Variants in ARHGEF28 observed in about 807,000 individuals in gnomAD.
ARHGEF28 encodes Rho guanine nucleotide exchange factor 28.
In ARHGEF28, 152 loss-of-function variants were observed where a neutral mutation model predicts 206.6. The ratio of observed to expected loss-of-function variants is 0.74; its 90% confidence interval spans 0.64 to 0.84. ARHGEF28 has a LOEUF of 0.84. Ranked by LOEUF, ARHGEF28 falls within the 40% of genes least tolerant of loss-of-function variation. The pLI is 0.00. For missense variants in ARHGEF28, 2,028 were observed against 2,073.2 expected, an observed-to-expected ratio of 0.98 and a Z score of 0.42; for synonymous variants, 763 against 776.4, an observed-to-expected ratio of 0.98 and a Z score of 0.29.
chr5:73,905,837 C>A (rs536097595), intron 33 of ARHGEF28, among the ~76,000 whole-genome samples: 1 of 152,232 alleles, frequency 6.6e-6, no homozygotes, highest in East Asian at 1.9e-4. Context: ...TAGACTTTGC[C>A]AAAATAATCA....
At chr5:73,928,187 G>A (rs1561202926) in intron 35 of ARHGEF28, among the ~76,000 whole-genome samples, 2 of 152,196 alleles carry the variant, frequency 1.3e-5, no homozygotes, top group Non-Finnish European at 2.9e-5. Context: ...GGGAGGCCGA[G>A]GCCAGCAGCT....
At chr5:73,940,098 C>G (rs539201456) in intron 35 of ARHGEF28, among the ~76,000 whole-genome samples, 302 of 152,134 alleles carry the variant, frequency 2.0e-3, no homozygotes, top group Non-Finnish European at 3.1e-3. Flanking sequence ...GTCAGTGGAA[C>G]AAGTGCAGGG....
intron 4 of ARHGEF28, 83 bp downstream of exon 4, chr5:73,753,285 C>T (rs1016494447): frequency 1.9e-5 from 26 of 1,391,498 alleles, no homozygotes; most frequent in South Asian, 5.1e-5. Context: ...GTGTTCCCCT[C>T]GGCAGGTTTT....
chr5:73,636,027 G>C (rs1056686831), intron 1 of ARHGEF28, among the ~76,000 whole-genome samples: 1 of 151,972 alleles, frequency 6.6e-6, no homozygotes, highest in African/African-American at 2.4e-5. Flanking sequence ...TTGATATCTT[G>C]CTCACTGACA....
chr5:73,677,840 A>AC (rs1746802579), intron 1 of ARHGEF28, among the ~76,000 whole-genome samples: 1 of 152,204 alleles, frequency 6.6e-6, no homozygotes, highest in East Asian at 1.9e-4. Flanking sequence ...ACATTTCTGG[A>AC]AAATGTGGTA....
chr5:73,795,412 C>A (rs1246765022), intron 9 of ARHGEF28, 21 bp downstream of exon 9: 1 of 1,601,810 alleles, frequency 6.2e-7, no homozygotes, highest in East Asian at 2.2e-5. Context: ...ACGCTTTTAC[C>A]TATACTCGTA....
At chr5:73,778,561 C>T (rs1753662054) in intron 6 of ARHGEF28, among the ~76,000 whole-genome samples, 1 of 152,148 alleles carries the variant, frequency 6.6e-6, no homozygotes, top group African/African-American at 2.4e-5. Flanking sequence ...TTCCACATCC[C>T]TCTTTTTCCT....
At chr5:73,810,909 A>T (rs1255963874) in intron 9 of ARHGEF28, among the ~76,000 whole-genome samples, 1 of 152,162 alleles carries the variant, frequency 6.6e-6, no homozygotes, top group South Asian at 2.1e-4. Flanking sequence ...AATAAGAAAC[A>T]TGTCTTTCTC....
chr5:73,701,370 C>T (rs1357093188), intron 2 of ARHGEF28, among the ~76,000 whole-genome samples: 1 of 152,004 alleles, frequency 6.6e-6, no homozygotes, highest in Admixed American at 6.6e-5. Context: ...AAAAAATAAG[C>T]CATATAAGGT....
At chr5:73,916,472 T>C (rs185986423) in intron 35 of ARHGEF28, among the ~76,000 whole-genome samples, 4 of 152,294 alleles carry the variant, frequency 2.6e-5, no homozygotes, top group Admixed American at 2.6e-4. Flanking sequence ...GATCAAGGTG[T>C]TGGCAGCGTT....
intron 7 of ARHGEF28, among the ~76,000 whole-genome samples, chr5:73,782,206 AG>A (rs2112463142): frequency 6.6e-6 from 1 of 151,454 alleles, no homozygotes; most frequent in Non-Finnish European, 1.5e-5. Flanking sequence ...TGGGAGGCCG[AG>A]GTGGGTGGAT....
chr5:73,697,528 C>G (rs1225476369), intron 2 of ARHGEF28, among the ~76,000 whole-genome samples: 1 of 152,116 alleles, frequency 6.6e-6, no homozygotes, highest in Non-Finnish European at 1.5e-5. Context: ...TGGCAGAGGC[C>G]ATCTCACCTG....
chr5:73,776,232 A>G (rs1753532947), intron 5 of ARHGEF28, among the ~76,000 whole-genome samples: 1 of 152,230 alleles, frequency 6.6e-6, no homozygotes, highest in African/African-American at 2.4e-5. Flanking sequence ...GTTGAGGTAA[A>G]GTACTATGTT....
At chr5:73,879,720 G>A (rs1487133253) in intron 22 of ARHGEF28, among the ~76,000 whole-genome samples, 1 of 152,186 alleles carries the variant, frequency 6.6e-6, no homozygotes, top group Non-Finnish European at 1.5e-5. Context: ...GGTATCAGCA[G>A]CGGTGTCTGC....
chr5:73,659,219 A>C (rs1188386817), intron 1 of ARHGEF28, among the ~76,000 whole-genome samples: 1 of 152,200 alleles, frequency 6.6e-6, no homozygotes, highest in Non-Finnish European at 1.5e-5. Flanking sequence ...TTAATTAACT[A>C]TCACGTAGTA....
intron 9 of ARHGEF28, chr5:73,813,415 C>G (rs1755965772): frequency 9.0e-6 from 12 of 1,336,050 alleles, no homozygotes; most frequent in Non-Finnish European, 1.2e-5. Context: ...GCCTGAATGC[C>G]CGAAGGAAGC....
intron 3 of ARHGEF28, among the ~76,000 whole-genome samples, chr5:73,751,085 T>C (rs1366560861): frequency 6.6e-6 from 1 of 152,152 alleles, no homozygotes; most frequent in Non-Finnish European, 1.5e-5. Context: ...TCCAGTAATC[T>C]GCATCGTTAA....
chr5:73,809,112 G>A (rs1244661808), intron 9 of ARHGEF28, among the ~76,000 whole-genome samples: 1 of 152,000 alleles, frequency 6.6e-6, no homozygotes, highest in Non-Finnish European at 1.5e-5. Context: ...TGAGGAGACA[G>A]GAGAATCACT....
chr5:73,639,536 T>G (rs1173392562), intron 1 of ARHGEF28, among the ~76,000 whole-genome samples: 1 of 152,064 alleles, frequency 6.6e-6, no homozygotes, highest in Admixed American at 6.6e-5. Flanking sequence ...ATTTTATTGA[T>G]TTTATCAGTG....
Sources: gnomAD v4.1 joint callset for allele counts (sites outside exome capture counted in the v4.1 genomes callset) on GRCh38, gnomAD v4.1.1 for gene constraint, MANE v1.5 for transcripts, NCBI Gene and HGNC (gene_info 2026-07-23, HGNC 2026-07-21) for gene names.